The following AMER2 variants were observed in gnomAD, a reference collection of about 807,000 sequenced individuals.
AMER2 encodes family with sequence similarity 123A.
A neutral mutation model predicts 4.7 loss-of-function variants in AMER2; 1 was observed. The ratio of observed to expected loss-of-function variants is 0.21; its 90% CI spans 0.07 to 1.00. AMER2 has a LOEUF of 1.00. AMER2 is among the 50% of genes least tolerant of loss of function. AMER2 has a pLI of 0.60. For missense variants in AMER2, 988 were observed against 966.9 expected, an observed-to-expected ratio of 1.02 and a Z score of -0.29; for synonymous variants, 485 against 433.3, an observed-to-expected ratio of 1.12 and a Z score of -1.48.
chr13:25,167,948 CTT>C lies in AMER2; in HGVS notation c.*1654_*1655del, dbSNP rs1354702978. On this transcript the variant is annotated 3_prime_UTR_variant, in exon 1 of 1. Coordinates refer to ENST00000515384, the MANE Select transcript of AMER2 (RefSeq NM_152704.4). ...TAATGCAATCTCTCTGGAAATGAGACTTATACAGAAGTGTTCATGTCATTTAC... is the reference window on the plus strand; with the variant it reads ...TAATGCAATCTCTCTGGAAATGAGACATACAGAAGTGTTCATGTCATTTAC... The C allele has an allele frequency of 6.6e-6, 1 of 152,192 alleles. No homozygotes were observed. The highest frequency in any genetic ancestry group is 1.5e-5 in the Non-Finnish European group (1 of 68,014). The allele number at this position is 152,192 out of a possible 1,614,324, so 9.4% of individuals were successfully genotyped here.
In AMER2 at chr13:25,171,884, G is replaced by A. The variant is rs561783303; in HGVS notation, c.-265C>T. On this transcript the variant is annotated 5_prime_UTR_variant, in exon 1 of 1. Transcript: ENST00000515384. The surrounding 1 kb of genome is among the most constrained non-coding windows in gnomAD (Gnocchi z 5.9). The stretch of plus-strand genomic sequence containing the variant: ...TGCAGAAATTCGAGTCGTAATTATG[G>A]AATTCAAATTCCCTCAACTCTCACC... The A allele has an allele frequency of 2.1e-5, 11 of 526,206 alleles. No homozygotes were observed. In the African/African-American group the frequency reaches 2.2e-4, roughly 10 times the overall value. The allele number at this position is 526,206 out of a possible 1,614,324, so 32.6% of individuals were successfully genotyped here.
Position 25,161,844 on chromosome 13 carries a change from C to T in AMER2, c.*7760G>A, listed in dbSNP as rs1956410804. 1 of 152,066 alleles carries T rather than the reference C, an allele frequency of 6.6e-6. No homozygotes were observed. Among genetic ancestry groups the T allele is most frequent in the Admixed American group, 6.6e-5 (1 of 15,264 alleles). The allele number at this position is 152,066 out of a possible 1,614,324, so 9.4% of individuals were successfully genotyped here. A position where few individuals can be genotyped will look rare whatever the true frequency, so the allele number is the denominator to read the frequency against. On this transcript the variant is annotated 3_prime_UTR_variant, in exon 1 of 1. Coordinates refer to ENST00000515384, the MANE Select transcript of AMER2 (RefSeq NM_152704.4). Reference sequence around the variant, plus strand: ...AAAGAGTGACTATCAAAAACAGCAACATGCACAATGGTACATATGCACAAA... The same window carrying T: ...AAAGAGTGACTATCAAAAACAGCAATATGCACAATGGTACATATGCACAAA...
Position 25,171,917 on chromosome 13 carries a change from G to T in AMER2, c.-298C>A. 2.5e-6 allele frequency: 1 copy of T among 406,874 alleles called. No individual in the cohort carries two copies. The highest frequency in any genetic ancestry group is 4.1e-6 in the Non-Finnish European group (1 of 241,130). The allele number at this position is 406,874 out of a possible 1,614,324, so 25.2% of individuals were successfully genotyped here. A position where few individuals can be genotyped will look rare whatever the true frequency, so the allele number is the denominator to read the frequency against. On this transcript the variant is annotated 5_prime_UTR_variant, in exon 1 of 1. Coordinates refer to ENST00000515384, the MANE Select transcript of AMER2 (RefSeq NM_152704.4). This position sits in a 1 kb window ranked among gnomAD's most constrained non-coding sequence, Gnocchi z 5.9. ...ATTCCCTCAACTCTCACCCACCTTCGGATTCCTTCTCTAGACTCGCTCTTC... is the reference window on the plus strand; with the variant it reads ...ATTCCCTCAACTCTCACCCACCTTCTGATTCCTTCTCTAGACTCGCTCTTC...
Position 25,162,545 on chromosome 13 carries a change from C to T in AMER2, c.*7059G>A, listed in dbSNP as rs1303065325. 2 of 152,178 alleles carry T rather than the reference C, an allele frequency of 1.3e-5. No homozygotes were observed. Among genetic ancestry groups the T allele is most frequent in the East Asian group, 1.9e-4 (1 of 5,200 alleles). 9.4% of individuals were successfully genotyped at this position (152,178 alleles called of 1,614,324 possible). On this transcript the variant is annotated 3_prime_UTR_variant, in exon 1 of 1. Transcript: ENST00000515384. ...GGGACCAGTGGTTGTAATGTAGATA[C>T]TTGAGAAGTTTCATTGATTCCTTCA...
At position 25,169,939 on chromosome 13, in the gene AMER2, C is replaced by T; in HGVS notation, c.1681G>A (p.Asp561Asn). 1 of 1,614,146 alleles carries T rather than the reference C, an allele frequency of 6.2e-7. No individual in the cohort carries two copies. Among genetic ancestry groups the T allele is most frequent in the Non-Finnish European group, 8.5e-7 (1 of 1,180,026 alleles). Reference sequence around the variant, plus strand: ...AGGGTTGCTGGACTTCCGTCCGGGTCAGCATAGAGATCATAGAGCGCGTCC... The same window carrying T: ...AGGGTTGCTGGACTTCCGTCCGGGTTAGCATAGAGATCATAGAGCGCGTCC... Reference protein sequence around the residue: ...SGDALYDLYADPDGSPATLPG... With the variant: ...SGDALYDLYANPDGSPATLPG... Residue 561 changes from aspartate to asparagine, a missense_variant, in exon 1 of 1, where the codon GAC becomes AAC. By Grantham distance (23) the Asp-to-Asn change is conservative (BLOSUM62 1). Transcript: ENST00000515384. This position sits in a 1 kb window ranked among gnomAD's most constrained non-coding sequence, Gnocchi z 4.2.
chr13:25,171,253 G>A lies in AMER2; in HGVS notation c.367C>T (p.Pro123Ser), dbSNP rs1566016855. ...LVLESGRKEE[P>S]RGGGDSGGGG... Reference sequence around the variant, plus strand: ...CCGCCGCTGTCGCCCCCGCCGCGCGGCTCCTCCTTCCTGCCGCTCTCCAGC... The same window carrying A: ...CCGCCGCTGTCGCCCCCGCCGCGCGACTCCTCCTTCCTGCCGCTCTCCAGC... The change falls in exon 1 of 1, where the codon CCG becomes TCG. Residue 123 changes from proline to serine, a missense_variant. Coordinates refer to ENST00000515384, the MANE Select transcript of AMER2 (RefSeq NM_152704.4). This position sits in a 1 kb window ranked among gnomAD's most constrained non-coding sequence, Gnocchi z 5.9. 4 of 1,445,870 alleles carry A rather than the reference G, an allele frequency of 2.8e-6. No individual in the cohort carries two copies. The highest frequency in any genetic ancestry group is 2.7e-6 in the Non-Finnish European group (3 of 1,102,176). The allele number at this position is 1,445,870 out of a possible 1,614,324, so 89.6% of individuals were successfully genotyped here.
Position 25,171,073 on chromosome 13 carries a change from C to T in AMER2, c.547G>A (p.Ala183Thr). Residue 183 changes from alanine to threonine, a missense_variant, in exon 1 of 1, where the codon GCG becomes ACG. Transcript: ENST00000515384. The surrounding 1 kb of genome is among the most constrained non-coding windows in gnomAD (Gnocchi z 5.9). Reference protein sequence around the residue: ...SENGKGEPVDASKAGGKQKRG... With the variant: ...SENGKGEPVDTSKAGGKQKRG... ...TTTTGTTTGCCGCCGGCCTTGCTCGCGTCCACAGGCTCTCCCTTGCCGTTT... is the reference window on the plus strand; with the variant it reads ...TTTTGTTTGCCGCCGGCCTTGCTCGTGTCCACAGGCTCTCCCTTGCCGTTT... The T allele has an allele frequency of 1.3e-6, 2 of 1,576,800 alleles. No individual in the cohort carries two copies. The highest frequency in any genetic ancestry group is 2.3e-5 in the South Asian group (2 of 87,508).
In AMER2 at chr13:25,171,263, C is replaced by T; in HGVS notation, c.357G>A (p.Arg119=). The change falls in exon 1 of 1, where the codon AGG becomes AGA. Residue 119 remains arginine, a synonymous_variant. Coordinates refer to ENST00000515384, the MANE Select transcript of AMER2 (RefSeq NM_152704.4). This position sits in a 1 kb window ranked among gnomAD's most constrained non-coding sequence, Gnocchi z 5.9. ...LAEVLVLESG[R]KEEPRGGGDS... is the part of the protein sequence containing the mutation. ...CGCCCCCGCCGCGCGGCTCCTCCTT[C>T]CTGCCGCTCTCCAGCACCAGCACCT... is the stretch of plus-strand genomic sequence containing the variant. 1 of 1,498,818 alleles carries T rather than the reference C, an allele frequency of 6.7e-7. No individual in the cohort carries two copies. Among genetic ancestry groups the T allele is most frequent in the Non-Finnish European group, 8.9e-7 (1 of 1,126,674 alleles). The allele number at this position is 1,498,818 out of a possible 1,614,324, so 92.8% of individuals were successfully genotyped here. A position where few individuals can be genotyped will look rare whatever the true frequency, so the allele number is the denominator to read the frequency against.
At position 25,169,498 on chromosome 13, in the gene AMER2, G is replaced by A. The variant is rs1956522044; in HGVS notation, c.*106C>T. The A allele has an allele frequency of 1.4e-6, 2 of 1,424,076 alleles. No individual in the cohort carries two copies. The highest frequency in any genetic ancestry group is 1.9e-6 in the Non-Finnish European group (2 of 1,073,696). The allele number at this position is 1,424,076 out of a possible 1,614,324, so 88.2% of individuals were successfully genotyped here. A position where few individuals can be genotyped will look rare whatever the true frequency, so the allele number is the denominator to read the frequency against. On this transcript the variant is annotated 3_prime_UTR_variant, in exon 1 of 1. Transcript: ENST00000515384. The surrounding 1 kb of genome is among the most constrained non-coding windows in gnomAD (Gnocchi z 4.2). ...TCTGGAGCAGGGCGGGGGACGGGTG[G>A]TGTCCTAAAAGACTTTCTTTAGGAA...
chr13:25,162,747 T>C lies in AMER2; in HGVS notation c.*6857A>G, dbSNP rs1956423832. On this transcript the variant is annotated 3_prime_UTR_variant, in exon 1 of 1. Coordinates refer to ENST00000515384, the MANE Select transcript of AMER2 (RefSeq NM_152704.4). ...CTCAGGTAACCAGAAACCTAAGCCA[T>C]ATCTTATTTAAAACGTATCTTCTCA... is the stretch of plus-strand genomic sequence containing the variant. 6.6e-6 allele frequency: 1 copy of C among 152,200 alleles called. No homozygotes were observed. Among genetic ancestry groups the C allele is most frequent in the South Asian group, 2.1e-4 (1 of 4,820 alleles). The allele number at this position is 152,200 out of a possible 1,614,324, so 9.4% of individuals were successfully genotyped here. A position where few individuals can be genotyped will look rare whatever the true frequency, so the allele number is the denominator to read the frequency against.
rs776438191 is a variant in AMER2, at chr13:25,171,611, C to T, written c.9G>A (p.Thr3=). Residue 3 remains threonine (T), a synonymous_variant, in exon 1 of 1, where the codon ACG becomes ACA. Transcript: ENST00000515384. This position sits in a 1 kb window ranked among gnomAD's most constrained non-coding sequence, Gnocchi z 5.9. ME[T]SRSRGGGGAV... ...CCCCGCCGCCGCCGCGGCTCCGGCT[C>T]GTCTCCATGGAAACCGCGCGGGATA... 8.1e-6 allele frequency: 12 copies of T among 1,488,514 alleles called. No individual in the cohort carries two copies. Among genetic ancestry groups the T allele is most frequent in the South Asian group, 4.2e-5 (3 of 72,264 alleles). 92.2% of individuals were successfully genotyped at this position (1,488,514 alleles called of 1,614,324 possible).
chr13:25,170,073 C>T lies in AMER2; in HGVS notation c.1547G>A (p.Gly516Asp). Reference protein sequence around the residue: ...PKHPEKEQQEGVPNSDEGYWD... With the variant: ...PKHPEKEQQEDVPNSDEGYWD... ...GTAGCCCTCGTCGCTGTTGGGGACG[C>T]CTTCCTGCTGCTCCTTCTCCGGGTG... Residue 516 changes from glycine to aspartate, a missense_variant, in exon 1 of 1, where the codon GGC becomes GAC. By Grantham distance (94) the Gly-to-Asp change is moderately conservative. Transcript: ENST00000515384. This position sits in a 1 kb window ranked among gnomAD's most constrained non-coding sequence, Gnocchi z 7.3. The T allele has an allele frequency of 6.2e-7, 1 of 1,614,028 alleles. No individual in the cohort carries two copies. The highest frequency in any genetic ancestry group is 8.5e-7 in the Non-Finnish European group (1 of 1,180,004).
In AMER2 at chr13:25,170,846, G is replaced by T; in HGVS notation, c.774C>A (p.Asp258Glu). Residue 258 changes from aspartate to glutamate, a missense_variant, in exon 1 of 1, where the codon GAC (aspartate) becomes GAA (glutamate). Asp to Glu is a conservative substitution (Grantham distance 45). Coordinates refer to ENST00000515384, the MANE Select transcript of AMER2 (RefSeq NM_152704.4). The surrounding 1 kb of genome is among the most constrained non-coding windows in gnomAD (Gnocchi z 7.3). ...CTCCCCCTGCGGGCTCACCTGCTGGGTCTCGCGGGGCGTCCTGGCTGGGCT... is the reference window on the plus strand; with the variant it reads ...CTCCCCCTGCGGGCTCACCTGCTGGTTCTCGCGGGGCGTCCTGGCTGGGCT... ...PEEPSQDAPR[D>E]PAGEPAGGEE... 4 of 1,445,956 alleles carry T rather than the reference G, an allele frequency of 2.8e-6. No individual in the cohort carries two copies. Among genetic ancestry groups the T allele is most frequent in the Non-Finnish European group, 3.6e-6 (4 of 1,108,662 alleles). The allele number at this position is 1,445,956 out of a possible 1,614,324, so 89.6% of individuals were successfully genotyped here. A position where few individuals can be genotyped will look rare whatever the true frequency, so the allele number is the denominator to read the frequency against.
rs778333528 is a variant in AMER2 at position 25,169,993 on chromosome 13, C to T, written c.1627G>A (p.Ala543Thr). Residue 543 changes from alanine to threonine, a missense_variant, in exon 1 of 1, where the codon GCG becomes ACG. Coordinates refer to ENST00000515384, the MANE Select transcript of AMER2 (RefSeq NM_152704.4). The surrounding 1 kb of genome is among the most constrained non-coding windows in gnomAD (Gnocchi z 4.2). ...CTGTAGCTATCCCGGGGGATGCCCG[C>T]CTTCTTCCCGCTGCTCGAGCTGTCT... ...EEDSSSSGKKAGIPRDSYSGD... is the reference protein window; with the variant it reads ...EEDSSSSGKKTGIPRDSYSGD... 1.9e-6 allele frequency: 3 copies of T among 1,613,998 alleles called. No homozygotes were observed. The highest frequency in any genetic ancestry group is 1.1e-5 in the South Asian group (1 of 91,070).
chr13:25,166,092 C>T lies in AMER2; in HGVS notation c.*3512G>A, dbSNP rs577726988. ...GTGTAAGCAAAGGGCTATTTGCATA[C>T]TGTTTAACTGCAAATACTTGAAGAC... On this transcript the variant is annotated 3_prime_UTR_variant, in exon 1 of 1. Coordinates refer to ENST00000515384, the MANE Select transcript of AMER2 (RefSeq NM_152704.4). The T allele has an allele frequency of 5.9e-5, 9 of 152,330 alleles. No individual in the cohort carries two copies. Among genetic ancestry groups the T allele is most frequent in the African/African-American group, 2.2e-4 (9 of 41,588 alleles). The allele number at this position is 152,330 out of a possible 1,614,324, so 9.4% of individuals were successfully genotyped here.
Position 25,166,790 on chromosome 13 carries a change from A to T in AMER2, c.*2814T>A, listed in dbSNP as rs952012788. 7 of 152,194 alleles carry T rather than the reference A, an allele frequency of 4.6e-5. No individual in the cohort carries two copies. Among genetic ancestry groups the T allele is most frequent in the Admixed American group, 3.3e-4 (5 of 15,274 alleles). The allele number at this position is 152,194 out of a possible 1,614,324, so 9.4% of individuals were successfully genotyped here. A position where few individuals can be genotyped will look rare whatever the true frequency, so the allele number is the denominator to read the frequency against. Reference sequence around the variant, plus strand: ...AACAATCTCCATGAACACAAATGAGAGAAAGTAGCCCTTGGCACAAGAAAG... The same window carrying T: ...AACAATCTCCATGAACACAAATGAGTGAAAGTAGCCCTTGGCACAAGAAAG... On this transcript the variant is annotated 3_prime_UTR_variant, in exon 1 of 1. Coordinates refer to ENST00000515384, the MANE Select transcript of AMER2 (RefSeq NM_152704.4).
rs1956553384 is a variant in AMER2, at chr13:25,170,789, T to G, written c.831A>C (p.Pro277=). The change falls in exon 1 of 1, where the codon CCA becomes CCC. Residue 277 remains proline (P), a synonymous_variant. Transcript: ENST00000515384. The surrounding 1 kb of genome is among the most constrained non-coding windows in gnomAD (Gnocchi z 7.3). The stretch of plus-strand genomic sequence containing the variant: ...CCTCTGCCTCTCGGCAGCTCCGCGC[T>G]GGGGCGCGGTCGGCGGGGGCGGGCA... The part of the protein sequence containing the change: ...EEVPAPADRA[P]ARSCREAEGL... 1.5e-6 allele frequency: 2 copies of G among 1,363,918 alleles called. No homozygotes were observed. Among genetic ancestry groups the G allele is most frequent in the African/African-American group, 1.5e-5 (1 of 65,734 alleles). 84.5% of individuals were successfully genotyped at this position (1,363,918 alleles called of 1,614,324 possible).
In AMER2 at chr13:25,162,098, C is replaced by T. The variant is rs878889803; in HGVS notation, c.*7506G>A. The T allele has an allele frequency of 2.0e-5, 3 of 152,114 alleles. No homozygotes were observed. Among genetic ancestry groups the T allele is most frequent in the Non-Finnish European group, 2.9e-5 (2 of 68,016 alleles). 9.4% of individuals were successfully genotyped at this position (152,114 alleles called of 1,614,324 possible). On this transcript the variant is annotated 3_prime_UTR_variant, in exon 1 of 1. Coordinates refer to ENST00000515384, the MANE Select transcript of AMER2 (RefSeq NM_152704.4). The stretch of plus-strand genomic sequence containing the variant: ...GTTTAACATTCTATTATAAAAATAA[C>T]ATCTATAAACCTACTAACAATTTTC...
In AMER2 at chr13:25,162,420, A is replaced by G. The variant is rs1956419516; in HGVS notation, c.*7184T>C. 1 of 152,240 alleles carries G rather than the reference A, an allele frequency of 6.6e-6. No homozygotes were observed. Among genetic ancestry groups the G allele is most frequent in the African/African-American group, 2.4e-5 (1 of 41,464 alleles). 9.4% of individuals were successfully genotyped at this position (152,240 alleles called of 1,614,324 possible). On this transcript the variant is annotated 3_prime_UTR_variant, in exon 1 of 1. Coordinates refer to ENST00000515384, the MANE Select transcript of AMER2 (RefSeq NM_152704.4). ...TTCCTGATAGACCTACCACTATCAGATCCTCCATATTCAATAAGATTTATC... is the reference window on the plus strand; with the variant it reads ...TTCCTGATAGACCTACCACTATCAGGTCCTCCATATTCAATAAGATTTATC...
Sources: gnomAD v4.1 joint callset for allele counts on GRCh38, gnomAD v4.1.1 for gene constraint, Gnocchi (gnomAD v3.1) non-coding constraint, MANE v1.5 for transcripts, NCBI Gene and HGNC (gene_info 2026-07-23, HGNC 2026-07-21) for gene names.